GALNT17: variants seen among roughly 807,000 people sequenced by gnomAD.
The protein encoded by GALNT17 is UDP-GalNAc:polypeptide N-acetylgalactosaminyltransferase-like 3.
A neutral mutation model predicts 63.7 loss-of-function variants in GALNT17; 29 were observed. The observed-to-expected ratio is 0.46, with a 90% CI of 0.34 to 0.62. The LOEUF is 0.62. Among genes scored for constraint, GALNT17 ranks in the 20% least tolerant of loss-of-function variants. GALNT17 has a pLI of 0.01. For missense variants in GALNT17, 603 were observed against 799.6 expected, an observed-to-expected ratio of 0.75 and a Z score of 2.97; for synonymous variants, 305 against 318.3, an observed-to-expected ratio of 0.96 and a Z score of 0.45.
intron 9 of GALNT17, among the ~76,000 whole-genome samples, chr7:71,680,526 TCCTCCCTCCCTCC>T: frequency 1.7e-4 from 1 of 5,840 alleles, no homozygotes; most frequent in African/African-American, 3.8e-4. Flanking sequence ...CTCTCTCCCT[TCCTCCCTCCCTCC>T]CTTCCTCCCT....
chr7:71,354,678 C>G (rs1469215900), intron 2 of GALNT17, among the ~76,000 whole-genome samples: 1 of 152,100 alleles, frequency 6.6e-6, no homozygotes, highest in African/African-American at 2.4e-5. Flanking sequence ...TTCATTCTCT[C>G]TCTCTCTGCT....
At chr7:71,193,729 T>C (rs1356837939) in intron 1 of GALNT17, among the ~76,000 whole-genome samples, 1 of 152,136 alleles carries the variant, frequency 6.6e-6, no homozygotes, top group Non-Finnish European at 1.5e-5. Context: ...ATGTGGAGTT[T>C]AATTTGTGTC....
At chr7:71,566,890 C>T (rs945256991) in intron 5 of GALNT17, among the ~76,000 whole-genome samples, 3 of 152,226 alleles carry the variant, frequency 2.0e-5, no homozygotes, top group East Asian at 1.9e-4. Context: ...GTCACCCCCA[C>T]GTCCATGTAG....
rs7779458 is a variant in GALNT17, at chr7:71,444,441, A to G, written c.962+23336A>G. Among the ~76,000 whole-genome samples, 760 of 152,290 alleles carry G rather than the reference A, an allele frequency of 5.0e-3. 6 individuals carry two copies. The highest frequency in any genetic ancestry group is 0.017 in the African/African-American group (723 of 41,550). ...CATGAGGGTGGGCTTAGGAGGATAT[A>G]GACACCTGCAGGCAGCTTCATGACA... On this transcript the variant is annotated intron_variant, in intron 5 of 10. Coordinates refer to ENST00000333538, the MANE Select transcript of GALNT17 (RefSeq NM_022479.3).
intron 1 of GALNT17, among the ~76,000 whole-genome samples, chr7:71,223,066 A>T (rs1268478037): frequency 1.3e-5 from 2 of 152,078 alleles, no homozygotes; most frequent in African/African-American, 2.4e-5. Flanking sequence ...GGGAGAGACC[A>T]CCTGTCCCCC....
At chr7:71,651,611 A>T (rs748534388) in intron 6 of GALNT17, among the ~76,000 whole-genome samples, 16 of 152,168 alleles carry the variant, frequency 1.1e-4, no homozygotes, top group Non-Finnish European at 1.8e-4. Context: ...CCTTTTAGCC[A>T]ATTTTCTAAC....
chr7:71,201,951 C>T (rs142753018), intron 1 of GALNT17, among the ~76,000 whole-genome samples: 1 of 152,252 alleles, frequency 6.6e-6, no homozygotes, highest in South Asian at 2.1e-4. Context: ...CAGTTAAATT[C>T]TTTAAACATT....
chr7:71,381,063 G>T (rs1414929654), intron 2 of GALNT17, among the ~76,000 whole-genome samples: 1 of 151,886 alleles, frequency 6.6e-6, no homozygotes, highest in Non-Finnish European at 1.5e-5. Flanking sequence ...CAGGCTCAAG[G>T]TATCCTCCCA....
chr7:71,577,968 G>A (rs1260406606), intron 6 of GALNT17, among the ~76,000 whole-genome samples: 1 of 151,904 alleles, frequency 6.6e-6, no homozygotes, highest in Non-Finnish European at 1.5e-5. Context: ...ATCAGCAGTG[G>A]GTTTTGAAGG....
intron 1 of GALNT17, among the ~76,000 whole-genome samples, chr7:71,321,655 T>C (rs1791607927): frequency 7.7e-6 from 1 of 129,284 alleles, no homozygotes; most frequent in African/African-American, 2.9e-5. Context: ...TCACGCAGGC[T>C]GGAGTGCAGT....
intron 1 of GALNT17, among the ~76,000 whole-genome samples, chr7:71,186,303 G>A (rs1788850128): frequency 6.6e-6 from 1 of 152,040 alleles, no homozygotes; most frequent in Admixed American, 6.6e-5. Flanking sequence ...TATCTACTTG[G>A]TTCAGAAGCT....
chr7:71,636,182 A>G (rs1015312912), intron 6 of GALNT17, among the ~76,000 whole-genome samples: 2 of 152,200 alleles, frequency 1.3e-5, no homozygotes, highest in African/African-American at 4.8e-5. Context: ...GTACATTTCA[A>G]GTTCTTTCTT....
intron 9 of GALNT17, among the ~76,000 whole-genome samples, chr7:71,699,294 A>G (rs1347888617): frequency 6.6e-6 from 1 of 151,904 alleles, no homozygotes; most frequent in Non-Finnish European, 1.5e-5. Context: ...TCTGGCCAAC[A>G]TGGTGAAACC....
Position 71,488,889 on chromosome 7 carries a change from C to CTTTTTTTTTT in GALNT17, c.962+67799_962+67808dup, listed in dbSNP as rs369124996. On this transcript the variant is annotated intron_variant, in intron 5 of 10. Transcript: ENST00000333538. Reference sequence around the variant, plus strand: ...GAGCCACCGCGCCCAGCCAGGTTTCCTTTTTTTTTTTTTTTTTTTTTTTTG... The same window carrying CTTTTTTTTTT: ...GAGCCACCGCGCCCAGCCAGGTTTCCTTTTTTTTTTTTTTTTTTTTTTTTTTTTTTTTTTG... Among the ~76,000 whole-genome samples, 3 of 54,738 alleles carry CTTTTTTTTTT rather than the reference C, an allele frequency of 5.5e-5. 1 individual carries two copies. Among genetic ancestry groups the CTTTTTTTTTT allele is most frequent in the Non-Finnish European group, 3.0e-5 (1 of 32,886 alleles). The allele number at this position is 54,738 out of a possible 152,430, so 35.9% of individuals were successfully genotyped here.
chr7:71,246,828 CAA>C (rs60216940), intron 1 of GALNT17, among the ~76,000 whole-genome samples: 6 of 145,526 alleles, frequency 4.1e-5, no homozygotes, highest in African/African-American at 1.5e-4. Flanking sequence ...GACTCCGTCT[CAA>C]AAAAAAAAAG....
At chr7:71,628,775 A>G (rs558176941) in intron 6 of GALNT17, among the ~76,000 whole-genome samples, 189 of 152,060 alleles carry the variant, frequency 1.2e-3, no homozygotes, top group Middle Eastern at 3.4e-3. Flanking sequence ...TACTCATAAT[A>G]TAAAAAATTA....
At chr7:71,219,376 T>A (rs895385484) in intron 1 of GALNT17, among the ~76,000 whole-genome samples, 1 of 151,894 alleles carries the variant, frequency 6.6e-6, no homozygotes, top group Non-Finnish European at 1.5e-5. Context: ...AATCTTTGGT[T>A]CTAGTAGATT....
At chr7:71,585,889 C>T (rs1005821506) in intron 6 of GALNT17, among the ~76,000 whole-genome samples, 9 of 150,536 alleles carry the variant, frequency 6.0e-5, no homozygotes, top group Non-Finnish European at 1.2e-4. Context: ...CCACACTTCC[C>T]GCCCCAGCAA....
chr7:71,580,341 T>A (rs1789614211), intron 6 of GALNT17, among the ~76,000 whole-genome samples: 2 of 151,684 alleles, frequency 1.3e-5, no homozygotes, highest in African/African-American at 4.8e-5. Flanking sequence ...AAGATAGATA[T>A]AGATGATAGA....
Sources: gnomAD v4.1 joint callset for allele counts (sites outside exome capture counted in the v4.1 genomes callset) on GRCh38, gnomAD v4.1.1 for gene constraint, MANE v1.5 for transcripts, NCBI Gene and HGNC (gene_info 2026-07-23, HGNC 2026-07-21) for gene names.